Variants in PXDN observed in about 807,000 individuals in gnomAD.
PXDN encodes the protein peroxidasin, also known as peroxidasin homolog.
In PXDN, 77 loss-of-function variants were observed where a neutral mutation model predicts 140.3. The observed-to-expected ratio is 0.55, with a 90% CI of 0.46 to 0.66. PXDN has a LOEUF of 0.66. Ranked by LOEUF, PXDN falls within the 30% of genes least tolerant of loss-of-function variation. PXDN has a pLI of 0.00. For synonymous variants in PXDN, 911 were observed against 857.4 expected, an observed-to-expected ratio of 1.06 and a Z score of -1.09; for missense variants, 1,838 against 2,039.5, an observed-to-expected ratio of 0.90 and a Z score of 1.90.
Position 1,644,824 on chromosome 2 carries a change from A to C in PXDN, c.3609-72T>G, listed in dbSNP as rs879240822. On this transcript the variant is annotated intron_variant, in intron 17 of 22. Coordinates refer to ENST00000252804, the MANE Select transcript of PXDN (RefSeq NM_012293.3). Reference sequence around the variant, plus strand: ...TGGTAAAAAATACAGCAAATATAAAAACAGTTCTTTCTTTCTATCACTATT... The same window carrying C: ...TGGTAAAAAATACAGCAAATATAAACACAGTTCTTTCTTTCTATCACTATT... The C allele has an allele frequency of 4.6e-6, 6 of 1,303,670 alleles. No individual in the cohort carries two copies. In the South Asian group the frequency reaches 1.5e-4, roughly 32 times the overall value. The allele number at this position is 1,303,670 out of a possible 1,614,324, so 80.8% of individuals were successfully genotyped here. A position where few individuals can be genotyped will look rare whatever the true frequency, so the allele number is the denominator to read the frequency against.
At chr2:1,647,525 G>A (rs1218394600) in intron 17 of PXDN, among the ~76,000 whole-genome samples, 1 of 152,204 alleles carries the variant, frequency 6.6e-6, no homozygotes, top group Non-Finnish European at 1.5e-5. Flanking sequence ...CCTTGTCTCA[G>A]GGGTGACAGC....
chr2:1,718,436 C>T (rs1684943240), intron 1 of PXDN, among the ~76,000 whole-genome samples: 1 of 152,052 alleles, frequency 6.6e-6, no homozygotes, highest in African/African-American at 2.4e-5. Context: ...ACTTACTCTA[C>T]TAACCTACTC....
intron 1 of PXDN, among the ~76,000 whole-genome samples, chr2:1,694,950 A>G (rs79802891): frequency 0.016 from 2,462 of 152,346 alleles, 42 homozygotes; most frequent in Admixed American, 0.042. Context: ...TTGAACAGGT[A>G]AGAAAGGCTG....
chr2:1,680,539 A>G (rs1437842545), intron 6 of PXDN, among the ~76,000 whole-genome samples, 177 bp from the exon 7 acceptor site: 1 of 152,122 alleles, frequency 6.6e-6, no homozygotes, highest in Non-Finnish European at 1.5e-5. Flanking sequence ...CGACTCAGGG[A>G]GTGATGTCGA....
At chr2:1,739,832 C>T (rs190959899) in intron 1 of PXDN, among the ~76,000 whole-genome samples, 1 of 152,342 alleles carries the variant, frequency 6.6e-6, no homozygotes, top group Non-Finnish European at 1.5e-5. Context: ...GATAAATTAT[C>T]AACATCTAAA....
intron 9 of PXDN, among the ~76,000 whole-genome samples, chr2:1,668,691 G>GA (rs923762551): frequency 6.6e-6 from 1 of 151,284 alleles, no homozygotes; most frequent in Non-Finnish European, 1.5e-5. Context: ...ACAAACATAT[G>GA]AAAAAAAAGC....
chr2:1,662,559 A>G (rs1683330577), intron 12 of PXDN, among the ~76,000 whole-genome samples: 1 of 152,184 alleles, frequency 6.6e-6, no homozygotes, highest in African/African-American at 2.4e-5. Context: ...CCCACAGAGG[A>G]TAACAAGCTC....
intron 9 of PXDN, among the ~76,000 whole-genome samples, chr2:1,672,833 C>A (rs1683606872): frequency 6.6e-6 from 1 of 152,214 alleles, no homozygotes; most frequent in Admixed American, 6.5e-5. Context: ...GAAGCAGCAA[C>A]CCTGGCATGA....
intron 1 of PXDN, among the ~76,000 whole-genome samples, chr2:1,701,808 C>T (rs1336239525): frequency 6.6e-6 from 1 of 152,112 alleles, no homozygotes; most frequent in African/African-American, 2.4e-5. Flanking sequence ...CGGTGGTGCC[C>T]CCAGGGTGGG....
Position 1,639,367 on chromosome 2 carries a change from C to A in PXDN, c.4008G>T (p.Arg1336=). 1 of 1,614,026 alleles carries A rather than the reference C, an allele frequency of 6.2e-7. No individual in the cohort carries two copies. Residue 1336 remains arginine, a synonymous_variant, in exon 20 of 23, where the codon CGG becomes CGT. Transcript: ENST00000252804. This position sits in a 1 kb window ranked among gnomAD's most constrained non-coding sequence, Gnocchi z 5.0. Reference sequence around the variant, plus strand: ...CCTCCTGGTAGCTGAACTCAAGAGACCGTCTGCCTCGGAAATGATAGGAAA... The same window carrying A: ...CCTCCTGGTAGCTGAACTCAAGAGAACGTCTGCCTCGGAAATGATAGGAAA... The part of the protein sequence containing the change: ...NAFSYHFRGR[R]SLEFSYQEDK...
At chr2:1,646,407 T>C (rs1333991938) in intron 17 of PXDN, among the ~76,000 whole-genome samples, 3 of 152,292 alleles carry the variant, frequency 2.0e-5, no homozygotes, top group South Asian at 2.1e-4. Context: ...TGTGTCAGTT[T>C]GGACAAGAAC....
intron 1 of PXDN, among the ~76,000 whole-genome samples, chr2:1,705,089 G>T (rs891578054): frequency 6.8e-6 from 1 of 146,968 alleles, no homozygotes; most frequent in African/African-American, 2.6e-5. Flanking sequence ...GATGTCGCCC[G>T]GCACTGCCCA....
chr2:1,744,285 C>A lies in PXDN; in HGVS notation c.171G>T (p.Val57=). 6.6e-7 allele frequency: 1 copy of A among 1,520,230 alleles called. No individual in the cohort carries two copies. The highest frequency in any genetic ancestry group is 1.2e-5 in the South Asian group (1 of 82,416). The allele number at this position is 1,520,230 out of a possible 1,614,324, so 94.2% of individuals were successfully genotyped here. A position where few individuals can be genotyped will look rare whatever the true frequency, so the allele number is the denominator to read the frequency against. The change falls in exon 1 of 23, where the codon GTG becomes GTT. Residue 57 remains valine (V), a synonymous_variant. Coordinates refer to ENST00000252804, the MANE Select transcript of PXDN (RefSeq NM_012293.3). The part of the protein sequence containing the change: ...VRCMHLLLEA[V]PAVAPQTSIL... The stretch of plus-strand genomic sequence containing the variant: ...TGGAGGTCTGCGGCGCCACGGCGGG[C>A]ACGGCCTCCAGCAGCAGATGCATGC...
intron 5 of PXDN, 51 bp downstream of exon 5, chr2:1,684,029 C>T (rs1558507573): frequency 6.7e-7 from 1 of 1,494,988 alleles, no homozygotes; most frequent in African/African-American, 1.4e-5. Flanking sequence ...AAGCCAGTGA[C>T]TGAGGCTTGG....
intron 9 of PXDN, among the ~76,000 whole-genome samples, chr2:1,671,362 A>G (rs1207118357): frequency 6.6e-6 from 1 of 152,204 alleles, no homozygotes; most frequent in East Asian, 1.9e-4. Flanking sequence ...ATTGTTAACT[A>G]CAATAAACAT....
rs765342499 is a variant in PXDN, at chr2:1,666,377, C to T, written c.1128G>A (p.Thr376=). 10 of 1,613,816 alleles carry T rather than the reference C, an allele frequency of 6.2e-6. No individual in the cohort carries two copies. The highest frequency in any genetic ancestry group is 7.6e-6 in the Non-Finnish European group (9 of 1,179,878). Residue 376 remains threonine, a synonymous_variant, in exon 10 of 23, where the codon ACG becomes ACA. Coordinates refer to ENST00000252804, the MANE Select transcript of PXDN (RefSeq NM_012293.3). ...TGHPPPRISW[T]RGDRTPLPVD... ...CTGGCAAGGGTGTGCGGTCACCTCT[C>T]GTCCAGGAGATCCGCGGCGGGGGGT...
chr2:1,646,588 G>A (rs1399009951), intron 17 of PXDN, among the ~76,000 whole-genome samples: 2 of 152,130 alleles, frequency 1.3e-5, no homozygotes, highest in African/African-American at 2.4e-5. Flanking sequence ...AAATTTAATA[G>A]GACATCATGT....
chr2:1,694,858 CA>C (rs1263007026), intron 1 of PXDN, among the ~76,000 whole-genome samples: 6 of 152,150 alleles, frequency 3.9e-5, no homozygotes, highest in African/African-American at 1.4e-4. Flanking sequence ...GAATTCTGAC[CA>C]GCTGCAATTT....
chr2:1,648,061 T>C lies in PXDN; in HGVS notation c.3608+111A>G. 7.0e-7 allele frequency: 1 copy of C among 1,419,588 alleles called. No individual in the cohort carries two copies. Among genetic ancestry groups the C allele is most frequent in the South Asian group, 1.3e-5 (1 of 74,222 alleles). 87.9% of individuals were successfully genotyped at this position (1,419,588 alleles called of 1,614,324 possible). Reference sequence around the variant, plus strand: ...ATGGACTTGACCTTCATCTCACCTCTGCACGACACGAACAAAACTCACACA... The same window carrying C: ...ATGGACTTGACCTTCATCTCACCTCCGCACGACACGAACAAAACTCACACA... On this transcript the variant is annotated intron_variant, in intron 17 of 22. Coordinates refer to ENST00000252804, the MANE Select transcript of PXDN (RefSeq NM_012293.3). This position sits in a 1 kb window ranked among gnomAD's most constrained non-coding sequence, Gnocchi z 8.9.
Sources: gnomAD v4.1 joint callset for allele counts (sites outside exome capture counted in the v4.1 genomes callset) on GRCh38, gnomAD v4.1.1 for gene constraint, Gnocchi (gnomAD v3.1) non-coding constraint, MANE v1.5 for transcripts, NCBI Gene and HGNC (gene_info 2026-07-23, HGNC 2026-07-21) for gene names.